Variants in LRRC4C observed in about 807,000 individuals in gnomAD.
LRRC4C encodes leucine-rich repeat-containing protein 4C.
A neutral mutation model predicts 33.6 loss-of-function variants in LRRC4C; 5 were observed. The ratio of observed to expected loss-of-function variants is 0.15; its 90% CI spans 0.08 to 0.31. The LOEUF (loss-of-function observed/expected upper bound fraction) is 0.31. Among genes scored for constraint, LRRC4C ranks in the 10% least tolerant of loss-of-function variants. The pLI, the probability that LRRC4C is intolerant of heterozygous loss-of-function variation, is 1.00. For missense variants in LRRC4C, 560 were observed against 796.7 expected, an observed-to-expected ratio of 0.70 and a Z score of 3.58; for synonymous variants, 329 against 302.0, an observed-to-expected ratio of 1.09 and a Z score of -0.93.
At chr11:41,012,025 A>G (rs1441022002) in intron 1 of LRRC4C, among the ~76,000 whole-genome samples, 2 of 151,362 alleles carry the variant, frequency 1.3e-5, no homozygotes, top group African/African-American at 2.4e-5. Context: ...ATAATTTGTA[A>G]AGATCAGCGT....
At chr11:41,421,416 A>C (rs1954869444) in intron 1 of LRRC4C, among the ~76,000 whole-genome samples, 1 of 152,072 alleles carries the variant, frequency 6.6e-6, no homozygotes, top group African/African-American at 2.4e-5. Flanking sequence ...CTAATTCAAC[A>C]GGAATATGGG....
chr11:41,051,555 G>GAA (rs1565337349), intron 1 of LRRC4C, among the ~76,000 whole-genome samples: 1 of 82,764 alleles, frequency 1.2e-5, no homozygotes, highest in Non-Finnish European at 2.4e-5. Flanking sequence ...AAAAAAAAAG[G>GAA]AAAAATTAGT....
chr11:40,830,801 T>A (rs1410355624), intron 2 of LRRC4C, among the ~76,000 whole-genome samples: 2 of 152,084 alleles, frequency 1.3e-5, no homozygotes, highest in Non-Finnish European at 2.9e-5. Context: ...TCCCATGGAA[T>A]GCAATAAAAA....
At chr11:40,145,803 C>T (rs1857688621) in intron 5 of LRRC4C, among the ~76,000 whole-genome samples, 1 of 152,130 alleles carries the variant, frequency 6.6e-6, no homozygotes, top group Non-Finnish European at 1.5e-5. Context: ...ATAGTGTTTG[C>T]TTCATTATAA....
chr11:40,791,040 C>G (rs1950603601), intron 2 of LRRC4C, among the ~76,000 whole-genome samples: 1 of 152,150 alleles, frequency 6.6e-6, no homozygotes, highest in Non-Finnish European at 1.5e-5. Context: ...TTTTGTCACT[C>G]AGTACCTGTC....
intron 1 of LRRC4C, among the ~76,000 whole-genome samples, chr11:41,171,186 G>A (rs1284358395): frequency 5.9e-5 from 9 of 152,144 alleles, no homozygotes; most frequent in African/African-American, 1.7e-4. Context: ...CATTGTGGAA[G>A]TCAGTGTGGC....
chr11:40,889,554 A>G (rs1049154356), intron 2 of LRRC4C, among the ~76,000 whole-genome samples: 7 of 152,106 alleles, frequency 4.6e-5, no homozygotes, highest in Non-Finnish European at 1.0e-4. Flanking sequence ...CAAAAACAAA[A>G]TATTTTTTGA....
chr11:40,605,947 C>T (rs188126468), intron 3 of LRRC4C, among the ~76,000 whole-genome samples: 223 of 152,212 alleles, frequency 1.5e-3, no homozygotes, highest in Non-Finnish European at 1.2e-3. Flanking sequence ...TTTTGGAGTG[C>T]GTGCAAGACC....
chr11:40,884,883 G>T lies in LRRC4C; in HGVS notation c.-407+48752C>A, dbSNP rs577825794. On this transcript the variant is annotated intron_variant, in intron 2 of 6. Transcript: ENST00000528697. ...TCTGAAGTAAAACAATGGAGAAACA[G>T]AAAGTGAAATACTTCATGTCCTCAT... Among the ~76,000 whole-genome samples, 31 of 152,128 alleles carry T rather than the reference G, an allele frequency of 2.0e-4. No homozygotes were observed. The South Asian group carries it at 6.0e-3, about 29-fold the overall frequency.
intron 2 of LRRC4C, among the ~76,000 whole-genome samples, chr11:40,854,992 G>A (rs78019793): frequency 8.5e-5 from 13 of 152,138 alleles, no homozygotes; most frequent in East Asian, 5.8e-4. Flanking sequence ...TGATAAACTC[G>A]CTAAAGTTGA....
intron 1 of LRRC4C, among the ~76,000 whole-genome samples, chr11:41,060,385 T>C (rs947741413): frequency 3.3e-5 from 5 of 152,222 alleles, no homozygotes; most frequent in Non-Finnish European, 7.3e-5. Flanking sequence ...CTAGCTTAAA[T>C]AAGACATTAA....
intron 4 of LRRC4C, among the ~76,000 whole-genome samples, chr11:40,265,579 T>C (rs777787228): frequency 6.6e-6 from 1 of 152,208 alleles, no homozygotes; most frequent in Non-Finnish European, 1.5e-5. Flanking sequence ...TTCTGGAGGA[T>C]AGACACAGCA....
At chr11:41,307,352 A>G (rs1803977033) in intron 1 of LRRC4C, among the ~76,000 whole-genome samples, 1 of 152,124 alleles carries the variant, frequency 6.6e-6, no homozygotes. Flanking sequence ...CAGGAGCCCT[A>G]TAAAAAATGC....
intron 4 of LRRC4C, among the ~76,000 whole-genome samples, chr11:40,281,894 CT>C (rs796451579): frequency 2.6e-4 from 39 of 152,280 alleles, no homozygotes; most frequent in African/African-American, 9.4e-4. Context: ...CACACTCCTA[CT>C]TTAGCAACAA....
intron 4 of LRRC4C, among the ~76,000 whole-genome samples, chr11:40,282,477 T>A (rs1254142537): frequency 6.6e-6 from 1 of 152,050 alleles, no homozygotes; most frequent in African/African-American, 2.4e-5. Flanking sequence ...GGGCTAAAAT[T>A]TGTTGAAAGG....
At chr11:40,638,983 G>T (rs994892853) in intron 3 of LRRC4C, among the ~76,000 whole-genome samples, 1 of 151,918 alleles carries the variant, frequency 6.6e-6, no homozygotes, top group Non-Finnish European at 1.5e-5. Context: ...CAGCTCCGAG[G>T]CTCCGAAGTT....
At chr11:41,084,538 T>C (rs1372839304) in intron 1 of LRRC4C, among the ~76,000 whole-genome samples, 2 of 152,224 alleles carry the variant, frequency 1.3e-5, no homozygotes, top group Non-Finnish European at 2.9e-5. Context: ...TCTCCTAATT[T>C]GCTTCAGTTT....
intron 3 of LRRC4C, among the ~76,000 whole-genome samples, chr11:40,453,662 A>T (rs1952002249): frequency 6.6e-6 from 1 of 152,046 alleles, no homozygotes; most frequent in Non-Finnish European, 1.5e-5. Flanking sequence ...CAGTAAAGAT[A>T]TAAAAATTAT....
chr11:41,024,969 G>T (rs1856241343), intron 1 of LRRC4C, among the ~76,000 whole-genome samples: 1 of 151,246 alleles, frequency 6.6e-6, no homozygotes, highest in African/African-American at 2.4e-5. Context: ...AATGATCTTT[G>T]ATCTTATTAT....
Sources: allele counts gnomAD v4.1 joint callset (sites outside exome capture counted in the v4.1 genomes callset), GRCh38; gene constraint gnomAD v4.1.1; transcripts MANE v1.5; gene names NCBI Gene and HGNC (gene_info 2026-07-23, HGNC 2026-07-21).